The following PCDH11X variants were observed in gnomAD, a reference collection of about 807,000 sequenced individuals.
The protein encoded by PCDH11X is protocadherin-11 X-linked.
In PCDH11X, 18 loss-of-function variants were observed where a neutral mutation model predicts 53.3. The observed-to-expected ratio is 0.34, with a 90% CI of 0.23 to 0.50. The LOEUF (loss-of-function observed/expected upper bound fraction) is 0.50. Among genes scored for constraint, PCDH11X ranks in the 20% least tolerant of loss-of-function variants. The pLI, the probability that PCDH11X is intolerant of heterozygous loss-of-function variation, is 0.98. For missense variants in PCDH11X, 570 were observed against 1,032.4 expected, an observed-to-expected ratio of 0.55 and a Z score of 6.14; for synonymous variants, 279 against 393.3, an observed-to-expected ratio of 0.71 and a Z score of 3.44.
chrX:92,119,508 G>A (rs1270363438), intron 6 of PCDH11X, among the ~76,000 whole-genome samples: 4 of 110,132 alleles, frequency 3.6e-5, no homozygotes, highest in Non-Finnish European at 7.6e-5. Flanking sequence ...TACATTATTG[G>A]GTATAGATAT....
intron 6 of PCDH11X, among the ~76,000 whole-genome samples, chrX:92,083,558 T>G (rs1308952848): frequency 9.0e-6 from 1 of 111,707 alleles, no homozygotes; most frequent in African/African-American, 3.2e-5. Context: ...CAAATAGTCA[T>G]GTAAACTGCA....
chrX:92,433,885 A>G (rs2072308924), intron 9 of PCDH11X, among the ~76,000 whole-genome samples: 1 of 110,806 alleles, frequency 9.0e-6, no homozygotes, highest in African/African-American at 3.3e-5. Flanking sequence ...ATCAAAAAGC[A>G]TTAGTGATGT....
intron 8 of PCDH11X, among the ~76,000 whole-genome samples, chrX:92,350,679 C>T (rs1478674227): frequency 9.0e-6 from 1 of 111,470 alleles, no homozygotes. Context: ...TGGTATATTC[C>T]TGAAGTAGTT....
intron 9 of PCDH11X, among the ~76,000 whole-genome samples, chrX:92,415,857 AT>A (rs759862403): frequency 5.3e-4 from 59 of 111,839 alleles, no homozygotes; most frequent in Non-Finnish European, 9.6e-4. Context: ...CACAAATAAA[AT>A]ATTGGCATTC....
intron 6 of PCDH11X, among the ~76,000 whole-genome samples, chrX:91,893,625 C>T (rs1355216666): frequency 9.1e-6 from 1 of 110,357 alleles, no homozygotes; most frequent in East Asian, 2.9e-4. Context: ...ATCCTGTCGC[C>T]GAAGTACTGA....
chrX:92,434,826 A>G (rs932173818), intron 9 of PCDH11X, among the ~76,000 whole-genome samples: 24 of 110,047 alleles, frequency 2.2e-4, no homozygotes, highest in East Asian at 2.9e-4. Context: ...AGGCCTCACA[A>G]TCATGGCAGA....
chrX:92,532,723 G>C (rs1338668464), intron 10 of PCDH11X, among the ~76,000 whole-genome samples: 1 of 107,113 alleles, frequency 9.3e-6, no homozygotes, highest in African/African-American at 3.5e-5. Context: ...TTCTGCCCCT[G>C]TATTAGTTCC....
chrX:91,784,169 A>G (rs1935255656), intron 1 of PCDH11X, among the ~76,000 whole-genome samples: 2 of 112,128 alleles, frequency 1.8e-5, no homozygotes, highest in Admixed American at 1.9e-4. Context: ...TAACAACAAC[A>G]AAATAGCCTG....
intron 6 of PCDH11X, among the ~76,000 whole-genome samples, chrX:92,072,070 G>T (rs56296496): frequency 5.4e-5 from 6 of 110,803 alleles, no homozygotes; most frequent in African/African-American, 2.0e-4. Flanking sequence ...CCTGTGGCCA[G>T]CAGTACACCA....
intron 10 of PCDH11X, among the ~76,000 whole-genome samples, chrX:92,600,551 A>T (rs1926114571): frequency 9.0e-6 from 1 of 111,292 alleles, no homozygotes; most frequent in Non-Finnish European, 1.9e-5. Flanking sequence ...TGGAGGATGT[A>T]TGGAAATTCC....
intron 6 of PCDH11X, among the ~76,000 whole-genome samples, chrX:92,109,634 G>A (rs1431652983): frequency 2.7e-5 from 3 of 111,602 alleles, no homozygotes; most frequent in Non-Finnish European, 5.6e-5. Context: ...AATTTGGTGA[G>A]GTTCAGACTC....
At chrX:92,102,473 G>A (rs985466155) in intron 6 of PCDH11X, among the ~76,000 whole-genome samples, 2 of 111,186 alleles carry the variant, frequency 1.8e-5, no homozygotes, top group African/African-American at 3.3e-5. Context: ...GTTTTGTAAG[G>A]GATTGAGGTT....
intron 7 of PCDH11X, among the ~76,000 whole-genome samples, chrX:92,214,508 T>C (rs898272258): frequency 9.0e-6 from 1 of 111,577 alleles, no homozygotes; most frequent in Non-Finnish European, 1.9e-5. Flanking sequence ...ATTTGTATCA[T>C]TCTTGTAGAA....
At chrX:92,107,747 T>C (rs2064416564) in intron 6 of PCDH11X, among the ~76,000 whole-genome samples, 1 of 111,539 alleles carries the variant, frequency 9.0e-6, no homozygotes, top group Non-Finnish European at 1.9e-5. Context: ...CATACTTCCC[T>C]AAAATATATA....
At chrX:92,392,253 AT>A (rs1419051617) in intron 9 of PCDH11X, among the ~76,000 whole-genome samples, 5 of 111,378 alleles carry the variant, frequency 4.5e-5, no homozygotes, top group Non-Finnish European at 7.6e-5. Flanking sequence ...TTTCAAGAAC[AT>A]TTAGGGCTAA....
At position 92,358,378 on chromosome X, in the gene PCDH11X, T is replaced by C. The variant is rs1265626371; in HGVS notation, c.3145-29357T>C. 4.1e-5 allele frequency among the ~76,000 whole-genome samples: 2 copies of C among 49,231 alleles called. 1 individual carries two copies. Among genetic ancestry groups the C allele is most frequent in the Non-Finnish European group, 7.8e-5 (2 of 25,565 alleles). The allele number at this position is 49,231 out of a possible 115,157, so 42.8% of individuals were successfully genotyped here. ...TGGTGAAAAGAGAATAGAACTCCTG[T>C]TACTGAAAACACAAAGATGTTGAAT... On this transcript the variant is annotated intron_variant, in intron 8 of 10. Transcript: ENST00000682573.
At chrX:92,232,755 C>T (rs926129164) in intron 7 of PCDH11X, among the ~76,000 whole-genome samples, 1 of 112,190 alleles carries the variant, frequency 8.9e-6, no homozygotes, top group Non-Finnish European at 1.9e-5. Flanking sequence ...CTCGTTTTGT[C>T]GCCCAGGCTG....
At chrX:92,346,992 C>T (rs2069914802) in intron 8 of PCDH11X, among the ~76,000 whole-genome samples, 1 of 111,456 alleles carries the variant, frequency 9.0e-6, no homozygotes. Flanking sequence ...TATTAAATCA[C>T]TTTTGAGTCA....
intron 7 of PCDH11X, among the ~76,000 whole-genome samples, chrX:92,234,676 A>G (rs1332455421): frequency 9.7e-6 from 1 of 103,209 alleles, no homozygotes; most frequent in African/African-American, 4.2e-5. Flanking sequence ...AACAAATAAT[A>G]TAAAGGGTTT....
Sources: allele counts gnomAD v4.1 joint callset (sites outside exome capture counted in the v4.1 genomes callset), GRCh38; gene constraint gnomAD v4.1.1; transcripts MANE v1.5; gene names NCBI Gene and HGNC (gene_info 2026-07-23, HGNC 2026-07-21).